The following LMTK2 variants were observed in gnomAD, a reference collection of about 807,000 sequenced individuals.
LMTK2 encodes lemur tail kinase 2.
LMTK2 carries 37 observed loss-of-function variants against 127.5 expected under a neutral mutation model. The ratio of observed to expected loss-of-function variants is 0.29; its 90% CI spans 0.22 to 0.38. LMTK2 has a LOEUF of 0.38. LMTK2 is among the 10% of genes least tolerant of loss of function. The pLI, the probability that LMTK2 is intolerant of heterozygous loss-of-function variation, is 1.00. For missense variants in LMTK2, 1,694 were observed against 1,920.3 expected (o/e 0.88, Z 2.20); for synonymous variants, 819 against 810.1 (o/e 1.01, Z -0.19).
intron 1 of LMTK2, among the ~76,000 whole-genome samples, chr7:98,120,638 C>G (rs775827938): frequency 2.6e-5 from 4 of 152,120 alleles, no homozygotes; most frequent in Non-Finnish European, 4.4e-5. Flanking sequence ...AACTTGTGCC[C>G]CTTTCAAGAG....
At chr7:98,146,306 G>C (rs1038668635) in intron 3 of LMTK2, among the ~76,000 whole-genome samples, 4 of 152,022 alleles carry the variant, frequency 2.6e-5, no homozygotes, top group Non-Finnish European at 5.9e-5. Flanking sequence ...TTGCCTATTT[G>C]GGATTTCTTA....
chr7:98,186,328 T>G (rs1797433031), intron 8 of LMTK2, among the ~76,000 whole-genome samples: 1 of 152,190 alleles, frequency 6.6e-6, no homozygotes, highest in South Asian at 2.1e-4. Context: ...TCCAAAGTGC[T>G]GGGATTGCAG....
At chr7:98,113,706 C>T (rs189849289) in intron 1 of LMTK2, among the ~76,000 whole-genome samples, 1 of 152,300 alleles carries the variant, frequency 6.6e-6, no homozygotes, top group Admixed American at 6.5e-5. Context: ...ACTGCTCCCT[C>T]TAGGGATTTT....
Position 98,114,356 on chromosome 7 carries a change from C to T in LMTK2, c.103+7076C>T, listed in dbSNP as rs981116224. On this transcript the variant is annotated intron_variant, in intron 1 of 13. Transcript: ENST00000297293. ...TTGGGCTAAAACGATCCTCCCACCT[C>T]AGCCTCCTGAATAGCTGGGACTACA... Among the ~76,000 whole-genome samples the T allele has an allele frequency of 4.6e-5, 7 of 151,734 alleles. No individual in the cohort carries two copies. In the South Asian group the frequency reaches 8.3e-4, roughly 18 times the overall value.
intron 3 of LMTK2, among the ~76,000 whole-genome samples, chr7:98,145,902 G>A (rs58960435): frequency 1.6e-3 from 241 of 152,146 alleles, no homozygotes; most frequent in African/African-American, 5.5e-3. Context: ...TCCCTGGTCA[G>A]GAAGATTCAT....
rs200968988 is a variant in LMTK2 at position 98,194,444 on chromosome 7, G to A, written c.3979G>A (p.Gly1327Arg). ...GCCCATCATCCTCAGCAACGAGGAC[G>A]GAAGGCACCTGCGGAGTCTGTTGAA... ...PVPIILSNED[G>R]RHLRSLLKPT... Residue 1327 changes from glycine (G) to arginine (R), a missense_variant, in exon 11 of 14, where the codon GGA becomes AGA. Physicochemically the swap from Gly to Arg is moderately radical, Grantham distance 125. Around this residue, in one of 8 missense-constraint regions of LMTK2, gnomAD observed 554 missense variants for 567.7 expected, o/e 0.98. Transcript: ENST00000297293. This position sits in a 1 kb window ranked among gnomAD's most constrained non-coding sequence, Gnocchi z 5.4. The A allele has an allele frequency of 9.9e-6, 16 of 1,614,000 alleles. No homozygotes were observed. The highest frequency in any genetic ancestry group is 8.9e-5 in the East Asian group (4 of 44,880).
intron 1 of LMTK2, among the ~76,000 whole-genome samples, chr7:98,131,031 G>A (rs1796513057): frequency 6.6e-6 from 1 of 152,130 alleles, no homozygotes; most frequent in African/African-American, 2.4e-5. Flanking sequence ...TTCCCACACA[G>A]CTTCCACCCA....
intron 11 of LMTK2, among the ~76,000 whole-genome samples, chr7:98,198,834 C>T (rs1240830216): frequency 6.6e-6 from 1 of 152,190 alleles, no homozygotes; most frequent in Non-Finnish European, 1.5e-5. Context: ...ACTACTTTAG[C>T]TGCACCCAGC....
intron 1 of LMTK2, among the ~76,000 whole-genome samples, chr7:98,124,841 AGTT>A (rs1384803948): frequency 6.6e-6 from 1 of 152,140 alleles, no homozygotes; most frequent in Admixed American, 6.6e-5. Flanking sequence ...TACCTCAAAG[AGTT>A]GTTATGGAAT....
Position 98,193,997 on chromosome 7 carries a change from G to T in LMTK2, c.3532G>T (p.Ala1178Ser). ...CAACTCCAGTGACCTGGAATTAAGA[G>T]CCACGCCGGAGCCAGCACAGACTGG... The part of the protein sequence containing the change: ...LHNSSDLELR[A>S]TPEPAQTGVP... Residue 1178 changes from alanine to serine, a missense_variant, in exon 11 of 14, where the codon GCC becomes TCC. Coordinates refer to ENST00000297293, the MANE Select transcript of LMTK2 (RefSeq NM_014916.4). This position sits in a 1 kb window ranked among gnomAD's most constrained non-coding sequence, Gnocchi z 4.1. 6.2e-7 allele frequency: 1 copy of T among 1,614,146 alleles called. No homozygotes were observed. The highest frequency in any genetic ancestry group is 1.3e-5 in the African/African-American group (1 of 75,072).
chr7:98,187,945 G>T (rs986377734), intron 9 of LMTK2, among the ~76,000 whole-genome samples: 2 of 151,974 alleles, frequency 1.3e-5, no homozygotes, highest in Non-Finnish European at 2.9e-5. Context: ...ATCAAATCAG[G>T]GTAACTAGTA....
chr7:98,173,972 C>T (rs1279177033), intron 7 of LMTK2, among the ~76,000 whole-genome samples: 3 of 151,974 alleles, frequency 2.0e-5, no homozygotes, highest in Non-Finnish European at 4.4e-5. Flanking sequence ...AGGAGAATGG[C>T]GTGAACCCGG....
At chr7:98,156,325 C>G (rs968979385) in intron 5 of LMTK2, among the ~76,000 whole-genome samples, 1 of 151,944 alleles carries the variant, frequency 6.6e-6, no homozygotes. Context: ...ATTAGTCGGG[C>G]GTGGTGTCGG....
At chr7:98,136,846 T>C (rs542878784) in intron 1 of LMTK2, among the ~76,000 whole-genome samples, 33 of 152,254 alleles carry the variant, frequency 2.2e-4, no homozygotes, top group Admixed American at 6.5e-4. Context: ...TCAAGAGTTA[T>C]GAAATGCGAG....
At chr7:98,204,263 G>A in intron 13 of LMTK2, 77 bp downstream of exon 13, 1 of 1,547,366 alleles carries the variant, frequency 6.5e-7, no homozygotes, top group Non-Finnish European at 8.8e-7. Flanking sequence ...TGGTGGTTTT[G>A]CAGGCCTGAT....
chr7:98,189,042 C>A (rs1797481117), intron 9 of LMTK2, among the ~76,000 whole-genome samples: 1 of 152,154 alleles, frequency 6.6e-6, no homozygotes, highest in Admixed American at 6.6e-5. Flanking sequence ...TGATTTCAAA[C>A]AACCTTTCTT....
intron 1 of LMTK2, 95 bp from the exon 2 acceptor site, chr7:98,137,220 C>T (rs1196464936): frequency 3.5e-6 from 4 of 1,152,826 alleles, no homozygotes; most frequent in Non-Finnish European, 4.9e-6. Flanking sequence ...TTAACCCTTA[C>T]ACCCATTTGT....
intron 1 of LMTK2, among the ~76,000 whole-genome samples, chr7:98,127,934 G>A (rs867844348): frequency 1.3e-5 from 2 of 152,194 alleles, no homozygotes; most frequent in Admixed American, 6.5e-5. Flanking sequence ...CCTAAGATCA[G>A]GAGTTTGAGA....
intron 1 of LMTK2, among the ~76,000 whole-genome samples, chr7:98,128,649 A>T (rs1374355885): frequency 6.6e-6 from 1 of 152,206 alleles, no homozygotes; most frequent in East Asian, 1.9e-4. Context: ...TAGAGGTCCG[A>T]GGGCTGTGGC....
Sources: allele counts gnomAD v4.1 joint callset (sites outside exome capture counted in the v4.1 genomes callset), GRCh38; gene constraint gnomAD v4.1.1; regional missense constraint gnomAD v4.1.1; non-coding constraint Gnocchi (gnomAD v3.1); transcripts MANE v1.5; gene names NCBI Gene and HGNC (gene_info 2026-07-23, HGNC 2026-07-21).